The following CSMD2 variants were observed in gnomAD, a reference collection of about 807,000 sequenced individuals.
The protein encoded by CSMD2 is CUB and Sushi multiple domains 2, also known as CUB and sushi domain-containing protein 2.
CSMD2 carries 130 observed loss-of-function variants against 398.5 expected under a neutral mutation model. The observed-to-expected ratio is 0.33, with a 90% CI of 0.28 to 0.38. The LOEUF is 0.38. CSMD2 is among the 10% of genes least tolerant of loss of function. CSMD2 has a pLI of 1.00. For missense variants in CSMD2, 3,829 were observed against 4,764.9 expected, an observed-to-expected ratio of 0.80 and a Z score of 5.78; for synonymous variants, 1,828 against 1,908.5, an observed-to-expected ratio of 0.96 and a Z score of 1.10.
At chr1:34,096,515 T>A (rs879502859) in intron 1 of CSMD2, among the ~76,000 whole-genome samples, 13 of 146,172 alleles carry the variant, frequency 8.9e-5, no homozygotes, top group African/African-American at 2.3e-4. Context: ...GAAAACCCCA[T>A]TGTCTCAGCC....
intron 2 of CSMD2, among the ~76,000 whole-genome samples, chr1:34,081,812 T>C (rs9425988): frequency 0.38 from 57,525 of 151,442 alleles, 11,600 homozygotes; most frequent in African/African-American, 0.52. Flanking sequence ...CGCCTCTGCA[T>C]GGCCGCCACC....
At position 33,537,448 on chromosome 1, in the gene CSMD2, G is replaced by T. The variant is rs200647732; in HGVS notation, c.9793C>A (p.Pro3265Thr). The T allele has an allele frequency of 5.1e-5, 83 of 1,612,738 alleles. No individual in the cohort carries two copies. Among genetic ancestry groups the T allele is most frequent in the Non-Finnish European group, 6.5e-5 (77 of 1,179,326 alleles). ...GATGACCTCTCACCTATGCAGCTGGGCTGGGTGCCACTCCATGTCCCATCT... is the reference window on the plus strand; with the variant it reads ...GATGACCTCTCACCTATGCAGCTGGTCTGGGTGCCACTCCATGTCCCATCT... The part of the protein sequence containing the change: ...QSDGTWSGTQ[P>T]SCIDPTLTTC... The change falls in exon 61 of 71, where the codon CCC (proline) becomes ACC (threonine). Residue 3265 changes from proline (P) to threonine (T), a missense_variant. Physicochemically the swap from Pro to Thr is conservative, Grantham distance 38. Transcript: ENST00000373381. The surrounding 1 kb of genome is among the most constrained non-coding windows in gnomAD (Gnocchi z 4.6).
chr1:34,024,104 C>A (rs1382174277), intron 3 of CSMD2, among the ~76,000 whole-genome samples: 3 of 152,234 alleles, frequency 2.0e-5, no homozygotes, highest in Non-Finnish European at 4.4e-5. Context: ...TCCACATCTC[C>A]TGTCTCCTGG....
chr1:33,893,356 G>A (rs912336157), intron 5 of CSMD2, among the ~76,000 whole-genome samples: 1 of 152,214 alleles, frequency 6.6e-6, no homozygotes, highest in Non-Finnish European at 1.5e-5. Context: ...GTGGAACTTG[G>A]TTTATCTGAG....
intron 25 of CSMD2, among the ~76,000 whole-genome samples, chr1:33,691,604 A>G (rs760107016): frequency 2.6e-5 from 4 of 152,064 alleles, no homozygotes; most frequent in Non-Finnish European, 4.4e-5. Context: ...CTATACTTCT[A>G]TTCCTTTTCT....
chr1:34,019,603 C>T (rs185782859), intron 3 of CSMD2, among the ~76,000 whole-genome samples: 16 of 152,272 alleles, frequency 1.1e-4, no homozygotes, highest in African/African-American at 3.1e-4. Flanking sequence ...ATTCTATGCT[C>T]GACAGTGGTC....
chr1:33,869,819 C>CA (rs1640325890), intron 5 of CSMD2, among the ~76,000 whole-genome samples: 1 of 152,182 alleles, frequency 6.6e-6, no homozygotes, highest in African/African-American at 2.4e-5. Flanking sequence ...GCCCTAGCTG[C>CA]AGAGCATATT....
intron 3 of CSMD2, among the ~76,000 whole-genome samples, chr1:33,959,423 C>T (rs1433402123): frequency 6.6e-6 from 1 of 152,192 alleles, no homozygotes; most frequent in Non-Finnish European, 1.5e-5. Context: ...ACCCAAAGTC[C>T]TCCCTGTGAC....
intron 3 of CSMD2, among the ~76,000 whole-genome samples, chr1:34,025,111 C>T (rs1015465395): frequency 8.5e-5 from 13 of 152,184 alleles, no homozygotes; most frequent in African/African-American, 2.7e-4. Flanking sequence ...TCCTAACCTG[C>T]GTCTCCTGGA....
intron 2 of CSMD2, among the ~76,000 whole-genome samples, chr1:34,071,720 T>A (rs983521489): frequency 2.0e-5 from 3 of 152,210 alleles, no homozygotes; most frequent in African/African-American, 7.2e-5. Context: ...GCAAGATTGA[T>A]GGTGGGCAAT....
At position 33,646,944 on chromosome 1, in the gene CSMD2, A is replaced by C. The variant is rs1357182794; in HGVS notation, c.4587-109T>G. On this transcript the variant is annotated intron_variant, in intron 28 of 70. Transcript: ENST00000373381. ...GGGCCTCCCAGGGAGCAAGCCCACC[A>C]TCCCACTGGTACCCAACCCCTGAAG... 3 of 1,075,922 alleles carry C rather than the reference A, an allele frequency of 2.8e-6. No individual in the cohort carries two copies. The African/African-American group carries it at 4.8e-5, about 17-fold the overall frequency. The allele number at this position is 1,075,922 out of a possible 1,614,324, so 66.6% of individuals were successfully genotyped here. A position where few individuals can be genotyped will look rare whatever the true frequency, so the allele number is the denominator to read the frequency against.
At chr1:33,941,560 G>C (rs1382057691) in intron 3 of CSMD2, among the ~76,000 whole-genome samples, 1 of 152,174 alleles carries the variant, frequency 6.6e-6, no homozygotes, top group Non-Finnish European at 1.5e-5. Context: ...GTGTGATCTG[G>C]GGGCAGTGGG....
At chr1:33,820,603 A>T (rs759842626) in intron 7 of CSMD2, 47 bp from the exon 8 acceptor site, 2 of 1,317,838 alleles carry the variant, frequency 1.5e-6, no homozygotes, top group East Asian at 4.7e-5. Context: ...ACACACAGAG[A>T]TGGACAGTCA....
At chr1:33,520,370 CCTT>C (rs1157519044) in intron 68 of CSMD2, among the ~76,000 whole-genome samples, 2 of 152,216 alleles carry the variant, frequency 1.3e-5, no homozygotes, top group East Asian at 3.9e-4. Flanking sequence ...TGAAGCATCT[CCTT>C]CTGAAAGGCT....
chr1:33,843,694 G>C (rs1398744848), intron 6 of CSMD2, among the ~76,000 whole-genome samples: 1 of 152,228 alleles, frequency 6.6e-6, no homozygotes, highest in African/African-American at 2.4e-5. Context: ...GGACAGAGCA[G>C]GGCCTCTGTT....
chr1:33,724,484 C>T (rs1557793069), intron 18 of CSMD2, 32 bp downstream of exon 18: 1 of 1,601,764 alleles, frequency 6.2e-7, no homozygotes, highest in Non-Finnish European at 8.5e-7. Context: ...GAGGAGTCTG[C>T]TACTTTAGCG....
Position 33,820,454 on chromosome 1 carries a change from C to T in CSMD2, c.1199+15G>A, listed in dbSNP as rs1657983525. The T allele has an allele frequency of 1.3e-6, 2 of 1,590,906 alleles. No individual in the cohort carries two copies. Among genetic ancestry groups the T allele is most frequent in the Non-Finnish European group, 8.6e-7 (1 of 1,160,092 alleles). On this transcript the variant is annotated intron_variant, in intron 8 of 70. Coordinates refer to ENST00000373381, the MANE Select transcript of CSMD2 (RefSeq NM_001281956.2). ...CACCCTTCTTGCAATCAGAAAATTCCCAAATAGATCTTACCTGAAATCCGA... is the reference window on the plus strand; with the variant it reads ...CACCCTTCTTGCAATCAGAAAATTCTCAAATAGATCTTACCTGAAATCCGA...
intron 65 of CSMD2, among the ~76,000 whole-genome samples, chr1:33,525,376 A>G (rs1001429679): frequency 1.3e-5 from 2 of 152,278 alleles, no homozygotes; most frequent in Non-Finnish European, 2.9e-5. Context: ...AGCTTTTAAA[A>G]AGAAGGAAAT....
chr1:34,065,029 C>T (rs959244775), intron 2 of CSMD2, among the ~76,000 whole-genome samples: 2 of 152,146 alleles, frequency 1.3e-5, no homozygotes, highest in Non-Finnish European at 2.9e-5. Context: ...CAGGTTTCTC[C>T]CACAATATGT....
Sources: allele counts gnomAD v4.1 joint callset (sites outside exome capture counted in the v4.1 genomes callset), GRCh38; gene constraint gnomAD v4.1.1; non-coding constraint Gnocchi (gnomAD v3.1); transcripts MANE v1.5; gene names NCBI Gene and HGNC (gene_info 2026-07-23, HGNC 2026-07-21).